Variants in KRT32 observed in about 807,000 individuals in gnomAD.
KRT32 encodes the protein keratin, type I cuticular Ha2.
Under a neutral mutation model 41.8 loss-of-function variants are expected in KRT32, and 44 were observed. That is an observed-to-expected ratio of 1.05 (90% CI 0.83 to 1.35). The LOEUF (loss-of-function observed/expected upper bound fraction) is 1.35. Ranked by LOEUF, KRT32 falls within the 40% of genes most tolerant of loss-of-function variation. The probability of loss-of-function intolerance (pLI) is 0.00; values close to 1 mark genes in which losing one functional copy is unlikely to be tolerated. For missense variants in KRT32, 576 were observed against 584.6 expected, an observed-to-expected ratio of 0.99 and a Z score of 0.15; for synonymous variants, 238 against 242.5, an observed-to-expected ratio of 0.98 and a Z score of 0.17.
intron 2 of KRT32, 59 bp from the exon 3 acceptor site, chr17:41,465,988 C>T (rs1030300951): frequency 6.2e-7 from 1 of 1,601,618 alleles, no homozygotes; most frequent in African/African-American, 1.3e-5. Flanking sequence ...TCAGGGAAGG[C>T]CTTAAACTGC....
rs1194287188 is a variant in KRT32, at chr17:41,461,129, A to G, written c.1218-890T>C. On this transcript the variant is annotated intron_variant, in intron 6 of 6. Coordinates refer to ENST00000225899, the MANE Select transcript of KRT32 (RefSeq NM_002278.3). ...CAACTCAACTCTCACGTCCTCCTTGAAGCCTCCCCCACCTCTCTGAGACAA... is the reference window on the plus strand; with the variant it reads ...CAACTCAACTCTCACGTCCTCCTTGGAGCCTCCCCCACCTCTCTGAGACAA... Among the ~76,000 whole-genome samples, 4 of 152,220 alleles carry G rather than the reference A, an allele frequency of 2.6e-5. No individual in the cohort carries two copies. In the East Asian group the frequency reaches 7.7e-4, roughly 29 times the overall value.
At chr17:41,465,200 T>G (rs185878357) in intron 3 of KRT32, among the ~76,000 whole-genome samples, 1 of 152,160 alleles carries the variant, frequency 6.6e-6, no homozygotes, top group East Asian at 1.9e-4. Flanking sequence ...GTAAAGGGCT[T>G]CAGCTTGAGC....
In KRT32 at chr17:41,463,055, G is replaced by C. The variant is rs768481952; in HGVS notation, c.997-5C>G. ...CGTGTTTTCCAGGGAGTCCCTCTAA[G>C]GCAAAGGAAGACATAACCATGAGGA... On this transcript the variant is annotated splice_region_variant and splice_polypyrimidine_tract_variant and intron_variant, in intron 5 of 6. Coordinates refer to ENST00000225899, the MANE Select transcript of KRT32 (RefSeq NM_002278.3). The C allele has an allele frequency of 1.2e-6, 2 of 1,607,408 alleles. No homozygotes were observed. Among genetic ancestry groups the C allele is most frequent in the Non-Finnish European group, 1.7e-6 (2 of 1,175,184 alleles).
At chr17:41,462,404 G>A (rs537196302) in intron 6 of KRT32, among the ~76,000 whole-genome samples, 4 of 152,306 alleles carry the variant, frequency 2.6e-5, no homozygotes, top group African/African-American at 9.6e-5. Context: ...GGTGAGGCTG[G>A]GGTAAGAGGT....
chr17:41,464,184 T>C lies in KRT32; in HGVS notation c.890A>G (p.Gln297Arg), dbSNP rs1434562023. Residue 297 changes from glutamine (Q) to arginine (R), a missense_variant, in exon 5 of 7, where the codon CAG (glutamine) becomes CGG (arginine). By Grantham distance (43) the Gln-to-Arg change is conservative. Transcript: ENST00000225899. Reference sequence around the variant, plus strand: ...AAGCTGCTCAGAGCTTGTGGCCACCTGTTGGTTAAGCTCCTCCATCTGCAG... The same window carrying C: ...AAGCTGCTCAGAGCTTGTGGCCACCCGTTGGTTAAGCTCCTCCATCTGCAG... ...FNMQMEELNQ[Q>R]VATSSEQLQN... 2 of 1,609,484 alleles carry C rather than the reference T, an allele frequency of 1.2e-6. No homozygotes were observed. The highest frequency in any genetic ancestry group is 8.5e-7 in the Non-Finnish European group (1 of 1,177,364).
intron 6 of KRT32, among the ~76,000 whole-genome samples, chr17:41,462,606 T>A (rs1355085899): frequency 6.6e-6 from 1 of 152,168 alleles, no homozygotes; most frequent in Non-Finnish European, 1.5e-5. Context: ...TAGAAGGAGC[T>A]TGCCAGCTTG....
At chr17:41,460,316 C>T in intron 6 of KRT32, 77 bp from the exon 7 acceptor site, 2 of 1,504,592 alleles carry the variant, frequency 1.3e-6, no homozygotes, top group East Asian at 2.5e-5. Context: ...ATTCTCCCCT[C>T]GGATGCCTCT....
At chr17:41,464,846 G>A (rs1019205985) in intron 3 of KRT32, among the ~76,000 whole-genome samples, 2 of 152,240 alleles carry the variant, frequency 1.3e-5, no homozygotes, top group African/African-American at 2.4e-5. Flanking sequence ...AGGCTTGGCT[G>A]CCAAAGAGGG....
In KRT32 at chr17:41,466,880, G is replaced by C. The variant is rs1452823353; in HGVS notation, c.446C>G (p.Thr149Ser). The C allele has an allele frequency of 1.2e-6, 2 of 1,613,354 alleles. No homozygotes were observed. The highest frequency in any genetic ancestry group is 1.7e-6 in the Non-Finnish European group (2 of 1,179,530). The change falls in exon 1 of 7, where the codon ACC (threonine) becomes AGC (serine). Residue 149 changes from threonine (T) to serine (S), a missense_variant. Transcript: ENST00000225899. Reference sequence around the variant, plus strand: ...CACCTTCTGCTGGAGCTCCTCAATGGTCCTGAAATGAGACTGGTAGTCAGG... The same window carrying C: ...CACCTTCTGCTGGAGCTCCTCAATGCTCCTGAAATGAGACTGGTAGTCAGG... ...MTPDYQSHFR[T>S]IEELQQKILC...
Position 41,460,000 on chromosome 17 carries a change from C to T in KRT32, c.*110G>A. The T allele has an allele frequency of 8.3e-7, 1 of 1,204,714 alleles. No homozygotes were observed. Among genetic ancestry groups the T allele is most frequent in the Admixed American group, 2.8e-5 (1 of 36,108 alleles). The allele number at this position is 1,204,714 out of a possible 1,614,324, so 74.6% of individuals were successfully genotyped here. A position where few individuals can be genotyped will look rare whatever the true frequency, so the allele number is the denominator to read the frequency against. ...AGCTTGTTGCAGGTGATCCACGGTC[C>T]TGCTCAGGGTCTTCCTTGCTGACCG... On this transcript the variant is annotated 3_prime_UTR_variant, in exon 7 of 7. Transcript: ENST00000225899.
chr17:41,460,185 T>A lies in KRT32; in HGVS notation c.1272A>T (p.Pro424=), dbSNP rs1475514656. The A allele has an allele frequency of 6.2e-7, 1 of 1,612,636 alleles. No individual in the cohort carries two copies. The highest frequency in any genetic ancestry group is 1.3e-5 in the African/African-American group (1 of 75,010). The change falls in exon 7 of 7, where the codon CCA becomes CCT. Residue 424 remains proline, a synonymous_variant. Coordinates refer to ENST00000225899, the MANE Select transcript of KRT32 (RefSeq NM_002278.3). ...GCACACAGACGGTGCGGGGCACGCATGGGGAGGGCACACAGGTGGTGCAGG... is the reference window on the plus strand; with the variant it reads ...GCACACAGACGGTGCGGGGCACGCAAGGGGAGGGCACACAGGTGGTGCAGG... ...TPSCTTCVPS[P]CVPRTVCVPR... is the part of the protein sequence containing the mutation.
chr17:41,460,979 T>G (rs1270670847), intron 6 of KRT32, among the ~76,000 whole-genome samples: 1 of 152,198 alleles, frequency 6.6e-6, no homozygotes, highest in African/African-American at 2.4e-5. Flanking sequence ...GCAGGTACTC[T>G]GACCTTCTTC....
chr17:41,465,037 C>T (rs1367424390), intron 3 of KRT32, among the ~76,000 whole-genome samples: 3 of 152,180 alleles, frequency 2.0e-5, no homozygotes, highest in Non-Finnish European at 4.4e-5. Flanking sequence ...GATTCAGAGG[C>T]ACTTGTTCAT....
In KRT32 at chr17:41,460,157, G is replaced by A. The variant is rs539108950; in HGVS notation, c.1300C>T (p.Arg434Cys). 53 of 1,613,694 alleles carry A rather than the reference G, an allele frequency of 3.3e-5. No individual in the cohort carries two copies. The highest frequency in any genetic ancestry group is 8.9e-5 in the East Asian group (4 of 44,864). The change falls in exon 7 of 7, where the codon CGC (arginine) becomes TGC (cysteine). Residue 434 changes from arginine to cysteine, a missense_variant. Physicochemically the swap from Arg to Cys is radical, Grantham distance 180. Transcript: ENST00000225899. Reference sequence around the variant, plus strand: ...GGTGAGCAAGGCATGCCAACAGTGCGTGGCACACAGACGGTGCGGGGCACG... The same window carrying A: ...GGTGAGCAAGGCATGCCAACAGTGCATGGCACACAGACGGTGCGGGGCACG... ...PCVPRTVCVP[R>C]TVGMPCSPCP...
In KRT32 at chr17:41,466,084, C is replaced by T; in HGVS notation, c.551+10G>A. On this transcript the variant is annotated intron_variant, in intron 2 of 6. Transcript: ENST00000225899. ...GTCCTCCCCAGCTCCAGCCCCCCGA[C>T]TGAACTCACTTGGCCCTGAAGTCAT... 6.2e-7 allele frequency: 1 copy of T among 1,614,014 alleles called. No homozygotes were observed. The highest frequency in any genetic ancestry group is 2.2e-5 in the East Asian group (1 of 44,882).
Position 41,466,923 on chromosome 17 carries a change from G to A in KRT32, c.403C>T (p.Gln135Ter). 1 of 1,614,238 alleles carries A rather than the reference G, an allele frequency of 6.2e-7. No homozygotes were observed. Among genetic ancestry groups the A allele is most frequent in the Non-Finnish European group, 8.5e-7 (1 of 1,180,042 alleles). ...TAGTCAGGAGTCATGGTGAGCACCTGGGAGTGAGAGGCCTCTTGGATCCTG... is the reference window on the plus strand; with the variant it reads ...TAGTCAGGAGTCATGGTGAGCACCTAGGAGTGAGAGGCCTCTTGGATCCTG... ...ESRIQEASHS[Q>*]VLTMTPDYQS... The change falls in exon 1 of 7, where the codon CAG becomes TAG. Residue 135 changes from glutamine (Q) to a stop codon, truncating the protein, a stop_gained. Transcript: ENST00000225899. LOFTEE classifies it high-confidence loss of function.
chr17:41,467,270 G>C lies in KRT32; in HGVS notation c.56C>G (p.Pro19Arg), dbSNP rs1252067730. ...NNLQASLKSCPRPASVCSSGV... is the reference protein window; with the variant it reads ...NNLQASLKSCRRPASVCSSGV... ...GCTGGAACAGACCGAGGCAGGCCGGGGGCAGCTCTTGAGAGAGGCTTGCAA... is the reference window on the plus strand; with the variant it reads ...GCTGGAACAGACCGAGGCAGGCCGGCGGCAGCTCTTGAGAGAGGCTTGCAA... The change falls in exon 1 of 7, where the codon CCC becomes CGC. Residue 19 changes from proline (P) to arginine (R), a missense_variant. Coordinates refer to ENST00000225899, the MANE Select transcript of KRT32 (RefSeq NM_002278.3). 3 of 1,613,568 alleles carry C rather than the reference G, an allele frequency of 1.9e-6. No individual in the cohort carries two copies. The highest frequency in any genetic ancestry group is 2.5e-6 in the Non-Finnish European group (3 of 1,179,948).
In KRT32 at chr17:41,463,949, A is replaced by G. The variant is rs569278733; in HGVS notation, c.996+129T>C. The G allele has an allele frequency of 1.3e-5, 12 of 952,892 alleles. No homozygotes were observed. In the East Asian group the frequency reaches 3.5e-4, roughly 27 times the overall value. The allele number at this position is 952,892 out of a possible 1,614,324, so 59.0% of individuals were successfully genotyped here. A position where few individuals can be genotyped will look rare whatever the true frequency, so the allele number is the denominator to read the frequency against. On this transcript the variant is annotated intron_variant, in intron 5 of 6. Transcript: ENST00000225899. ...TCTCGGGAGAAACCTCCCTCCGGGA[A>G]AAGTCAACAGGATGAGCATCCATGG...
At chr17:41,461,377 C>A (rs1212543489) in intron 6 of KRT32, among the ~76,000 whole-genome samples, 1 of 152,194 alleles carries the variant, frequency 6.6e-6, no homozygotes. Flanking sequence ...CAGAGACTGA[C>A]AGGCATGCAC....
Sources: gnomAD v4.1 joint callset for allele counts (sites outside exome capture counted in the v4.1 genomes callset) on GRCh38, gnomAD v4.1.1 for gene constraint, MANE v1.5 for transcripts, NCBI Gene and HGNC (gene_info 2026-07-23, HGNC 2026-07-21) for gene names.